The following CLEC5A variants were observed in gnomAD, a reference collection of about 807,000 sequenced individuals.
CLEC5A encodes the protein C-type lectin domain containing 5A, also known as C-type lectin domain family 5 member A.
CLEC5A carries 15 observed loss-of-function variants against 24.4 expected under a neutral mutation model. The ratio of observed to expected loss-of-function variants is 0.62; its 90% CI spans 0.41 to 0.95. The LOEUF (loss-of-function observed/expected upper bound fraction) is 0.95. CLEC5A is among the 40% of genes least tolerant of loss of function. The pLI is 0.00. For missense variants in CLEC5A, 211 were observed against 224.0 expected, an observed-to-expected ratio of 0.94 and a Z score of 0.37; for synonymous variants, 71 against 72.6, an observed-to-expected ratio of 0.98 and a Z score of 0.11.
intron 4 of CLEC5A, 122 bp from the exon 5 acceptor site, chr7:141,936,072 A>G (rs984206511): frequency 1.2e-5 from 10 of 811,960 alleles, no homozygotes; most frequent in Non-Finnish European, 1.8e-5. Context: ...GGTAAAAATT[A>G]TTCTCCATCC....
At chr7:141,943,702 T>C (rs1802865428) in intron 4 of CLEC5A, among the ~76,000 whole-genome samples, 194 bp downstream of exon 4, 1 of 152,122 alleles carries the variant, frequency 6.6e-6, no homozygotes, top group African/African-American at 2.4e-5. Context: ...CATGAATATA[T>C]ATACCTACTA....
intron 4 of CLEC5A, among the ~76,000 whole-genome samples, chr7:141,940,023 G>T (rs782325792): frequency 4.6e-5 from 7 of 152,088 alleles, no homozygotes; most frequent in Non-Finnish European, 1.0e-4. Flanking sequence ...GCATTGGACC[G>T]ATCTTTCAGT....
Position 141,938,147 on chromosome 7 carries a change from G to A in CLEC5A, c.209-2197C>T, listed in dbSNP as rs113543714. The stretch of plus-strand genomic sequence containing the variant: ...ATCCACAAGTATCAAGACCATTCAG[G>A]AAAACATGACCTCACCAGTTGAGGT... On this transcript the variant is annotated intron_variant, in intron 4 of 6. Coordinates refer to ENST00000546910, the MANE Select transcript of CLEC5A (RefSeq NM_013252.3). Among the ~76,000 whole-genome samples the A allele has an allele frequency of 4.3e-3, 662 of 152,244 alleles. 5 individuals carry two copies. The highest frequency in any genetic ancestry group is 0.015 in the African/African-American group (636 of 41,552).
In CLEC5A at chr7:141,933,728, G is replaced by A. The variant is rs78950519; in HGVS notation, c.346-1902C>T. On this transcript the variant is annotated intron_variant, in intron 5 of 6. Transcript: ENST00000546910. The stretch of plus-strand genomic sequence containing the variant: ...TGCACGCAACTTGGCTTGGCTCAAC[G>A]TGCCTTGACATGGTACAGGCTCTGG... 4.7e-3 allele frequency among the ~76,000 whole-genome samples: 719 copies of A among 151,792 alleles called. 10 individuals carry two copies. Among genetic ancestry groups the A allele is most frequent in the East Asian group, 0.026 (136 of 5,146 alleles).
intron 1 of CLEC5A, 23 bp from the exon 2 acceptor site, chr7:141,946,335 G>A (rs1049826404): frequency 1.0e-5 from 16 of 1,547,444 alleles, no homozygotes; most frequent in African/African-American, 5.5e-5. Context: ...GAGCACAGCA[G>A]CATCAGAATT....
At chr7:141,945,915 G>C (rs528952028) in intron 2 of CLEC5A, 19 of 370,922 alleles carry the variant, frequency 5.1e-5, no homozygotes, top group African/African-American at 4.0e-4. Context: ...AATAACAAGC[G>C]CTGCCAAGTA....
intron 5 of CLEC5A, among the ~76,000 whole-genome samples, chr7:141,933,669 G>T (rs1802533687): frequency 6.7e-6 from 1 of 148,554 alleles, no homozygotes; most frequent in South Asian, 2.1e-4. Flanking sequence ...AGCCACTATT[G>T]TTTGAAAAAG....
At chr7:141,945,436 T>A in intron 2 of CLEC5A, 36 bp from the exon 3 acceptor site, 1 of 1,422,262 alleles carries the variant, frequency 7.0e-7, no homozygotes, top group Non-Finnish European at 1.0e-6. Context: ...CAGCCCCAAA[T>A]GTGACTGCAT....
At position 141,929,968 on chromosome 7, in the gene CLEC5A, G is replaced by A; in HGVS notation, c.*136C>T. 1.6e-6 allele frequency: 1 copy of A among 640,928 alleles called. No homozygotes were observed. Among genetic ancestry groups the A allele is most frequent in the Non-Finnish European group, 2.7e-6 (1 of 372,320 alleles). 39.7% of individuals were successfully genotyped at this position (640,928 alleles called of 1,614,324 possible). ...TAGCATCCAGTCCCCCAGTGCAGAA[G>A]AAAGAAGCTCAGTTTCCCAAATGGG... On this transcript the variant is annotated 3_prime_UTR_variant, in exon 7 of 7. Coordinates refer to ENST00000546910, the MANE Select transcript of CLEC5A (RefSeq NM_013252.3).
In CLEC5A at chr7:141,930,087, G is replaced by C; in HGVS notation, c.*17C>G. On this transcript the variant is annotated 3_prime_UTR_variant, in exon 7 of 7. Transcript: ENST00000546910. ...AAAAAGAGTTGCAAGTATAGTTCTT[G>C]TCACAGGGAACTGTGATCATTTGGC... The C allele has an allele frequency of 6.4e-7, 1 of 1,572,350 alleles. No individual in the cohort carries two copies. The highest frequency in any genetic ancestry group is 8.8e-7 in the Non-Finnish European group (1 of 1,142,678).
chr7:141,934,688 C>T (rs1802568208), intron 5 of CLEC5A, among the ~76,000 whole-genome samples: 1 of 122,960 alleles, frequency 8.1e-6, no homozygotes, highest in Non-Finnish European at 1.6e-5. Context: ...TGTAGTGGCA[C>T]AGTCATGGCT....
intron 4 of CLEC5A, among the ~76,000 whole-genome samples, chr7:141,940,522 A>T (rs1802759566): frequency 6.6e-6 from 1 of 151,948 alleles, no homozygotes; most frequent in African/African-American, 2.4e-5. Context: ...ATCTTAAAGA[A>T]CTAAAAAAGC....
chr7:141,941,199 T>A lies in CLEC5A; in HGVS notation c.208+2697A>T, dbSNP rs145291704. Reference sequence around the variant, plus strand: ...CTCAACAAAATACTAGCAAGCTGAATTCAACAACATATTAAAAAGATCATT... The same window carrying A: ...CTCAACAAAATACTAGCAAGCTGAAATCAACAACATATTAAAAAGATCATT... On this transcript the variant is annotated intron_variant, in intron 4 of 6. Coordinates refer to ENST00000546910, the MANE Select transcript of CLEC5A (RefSeq NM_013252.3). Among the ~76,000 whole-genome samples the A allele has an allele frequency of 2.9e-3, 434 of 152,162 alleles. 4 individuals carry two copies. Among genetic ancestry groups the A allele is most frequent in the African/African-American group, 9.3e-3 (385 of 41,518 alleles).
At chr7:141,940,355 TAAGAA>T (rs1802749222) in intron 4 of CLEC5A, among the ~76,000 whole-genome samples, 1 of 151,502 alleles carries the variant, frequency 6.6e-6, no homozygotes, top group African/African-American at 2.4e-5. Flanking sequence ...ATAAAGAAAT[TAAGAA>T]AGGAATTGAA....
chr7:141,946,054 G>A, intron 2 of CLEC5A, 160 bp downstream of exon 2: 1 of 683,042 alleles, frequency 1.5e-6, no homozygotes, highest in Non-Finnish European at 2.5e-6. Flanking sequence ...GTGTGCTGGG[G>A]AGTGAGAAAG....
chr7:141,946,105 G>A (rs1802946514), intron 2 of CLEC5A, 109 bp downstream of exon 2: 2 of 1,235,336 alleles, frequency 1.6e-6, no homozygotes, highest in African/African-American at 1.5e-5. Flanking sequence ...TTAGTCTCAG[G>A]TGGAAAGACT....
chr7:141,938,071 A>G (rs187900961), intron 4 of CLEC5A, among the ~76,000 whole-genome samples: 1 of 152,334 alleles, frequency 6.6e-6, no homozygotes, highest in Non-Finnish European at 1.5e-5. Context: ...AACCCAGACC[A>G]TGAAGACTAC....
At position 141,935,946 on chromosome 7, in the gene CLEC5A, G is replaced by A; in HGVS notation, c.213C>T (p.Cys71=). The part of the protein sequence containing the change: ...FITTRSYGTV[C]PKDWEFYQAR... ...CTTGATAAAATTCCCAGTCTTTGGG[G>A]CAGACTGAAGAGGTCCAAGAAAGGA... The change falls in exon 5 of 7, where the codon TGC becomes TGT. Residue 71 remains cysteine, a synonymous_variant. Coordinates refer to ENST00000546910, the MANE Select transcript of CLEC5A (RefSeq NM_013252.3). 1 of 1,612,842 alleles carries A rather than the reference G, an allele frequency of 6.2e-7. No individual in the cohort carries two copies.
intron 2 of CLEC5A, chr7:141,946,001 A>G (rs1463054439): frequency 5.6e-6 from 3 of 531,402 alleles, no homozygotes; most frequent in Admixed American, 6.8e-5. Context: ...GAAACTGGTA[A>G]GTTCTATATC....
Sources: gnomAD v4.1 joint callset for allele counts (sites outside exome capture counted in the v4.1 genomes callset) on GRCh38, gnomAD v4.1.1 for gene constraint, MANE v1.5 for transcripts, NCBI Gene and HGNC (gene_info 2026-07-23, HGNC 2026-07-21) for gene names.